ADCY2: variants seen among roughly 807,000 people sequenced by gnomAD.
The protein encoded by ADCY2 is adenylate cyclase 2, also known as adenylate cyclase type 2.
A neutral mutation model predicts 125.2 loss-of-function variants in ADCY2; 31 were observed. The observed-to-expected ratio is 0.25, with a 90% CI of 0.19 to 0.33. The LOEUF (loss-of-function observed/expected upper bound fraction) is 0.33. ADCY2 is among the 10% of genes least tolerant of loss of function. The probability of loss-of-function intolerance (pLI) is 1.00; values close to 1 mark genes in which losing one functional copy is unlikely to be tolerated. For synonymous variants in ADCY2, 512 were observed against 548.4 expected (o/e 0.93, Z 0.93); for missense variants, 904 against 1,418.2 (o/e 0.64, Z 5.82).
chr5:7,596,264 G>T (rs1009941932), intron 3 of ADCY2, among the ~76,000 whole-genome samples: 3 of 104,436 alleles, frequency 2.9e-5, no homozygotes, highest in Non-Finnish European at 6.5e-5. Context: ...CCAAATGCCC[G>T]ATCCAAAAAC....
At chr5:7,811,270 A>G (rs935736007) in intron 22 of ADCY2, among the ~76,000 whole-genome samples, 16 of 152,176 alleles carry the variant, frequency 1.1e-4, no homozygotes, top group Admixed American at 2.0e-4. Flanking sequence ...TGAGGGGCCA[A>G]GGCGGGTGGA....
At chr5:7,635,205 G>A (rs1307600387) in intron 4 of ADCY2, among the ~76,000 whole-genome samples, 1 of 152,134 alleles carries the variant, frequency 6.6e-6, no homozygotes, top group Admixed American at 6.5e-5. Context: ...GAGTAAGATA[G>A]CAACGTAAAC....
At chr5:7,790,669 C>T (rs1416566499) in intron 20 of ADCY2, among the ~76,000 whole-genome samples, 1 of 152,086 alleles carries the variant, frequency 6.6e-6, no homozygotes, top group Non-Finnish European at 1.5e-5. Context: ...GTTTATTTTC[C>T]AAGGTTGAGG....
At chr5:7,786,658 A>T (rs1021423272) in intron 19 of ADCY2, among the ~76,000 whole-genome samples, 14 of 152,212 alleles carry the variant, frequency 9.2e-5, no homozygotes, top group African/African-American at 3.4e-4. Context: ...TAACCAACTC[A>T]GGAGTCTCTT....
intron 1 of ADCY2, among the ~76,000 whole-genome samples, chr5:7,411,064 C>T (rs184109648): frequency 6.6e-6 from 1 of 152,198 alleles, no homozygotes; most frequent in Non-Finnish European, 1.5e-5. Context: ...TAAGCTCGTA[C>T]ATCCTCTAGT....
chr5:7,516,831 A>G (rs1744268993), intron 2 of ADCY2, among the ~76,000 whole-genome samples: 1 of 151,534 alleles, frequency 6.6e-6, no homozygotes, highest in Non-Finnish European at 1.5e-5. Context: ...AACAAACAGA[A>G]ACGCCAGTAA....
intron 11 of ADCY2, 22 bp downstream of exon 11, chr5:7,712,921 T>G: frequency 6.4e-7 from 1 of 1,561,616 alleles, no homozygotes; most frequent in Non-Finnish European, 8.8e-7. Context: ...CTCTATCTGA[T>G]TTTTTAAAGC....
chr5:7,703,924 C>T (rs1422987659), intron 7 of ADCY2, among the ~76,000 whole-genome samples: 1 of 151,682 alleles, frequency 6.6e-6, no homozygotes, highest in Non-Finnish European at 1.5e-5. Context: ...ATCACTTGAA[C>T]CCAGGAGATG....
intron 11 of ADCY2, among the ~76,000 whole-genome samples, chr5:7,713,870 A>G (rs1446507490): frequency 6.6e-6 from 1 of 152,204 alleles, no homozygotes; most frequent in East Asian, 1.9e-4. Context: ...TATAGAAACT[A>G]AGGAAAAATA....
At chr5:7,504,344 T>C (rs1401404208) in intron 2 of ADCY2, among the ~76,000 whole-genome samples, 1 of 152,218 alleles carries the variant, frequency 6.6e-6, no homozygotes, top group Non-Finnish European at 1.5e-5. Context: ...ACAATATTCC[T>C]TTTGATAAAA....
chr5:7,735,342 T>G (rs968316883), intron 14 of ADCY2, among the ~76,000 whole-genome samples: 1 of 152,190 alleles, frequency 6.6e-6, no homozygotes, highest in African/African-American at 2.4e-5. Context: ...CCAATTTCCC[T>G]GGTTAAAGCC....
intron 3 of ADCY2, among the ~76,000 whole-genome samples, chr5:7,543,481 A>G (rs1182318401): frequency 6.6e-6 from 1 of 152,042 alleles, no homozygotes; most frequent in African/African-American, 2.4e-5. Flanking sequence ...TTTTATTTTC[A>G]CTCTAAAATG....
In ADCY2 at chr5:7,432,544, G is replaced by A. The variant is rs536737648; in HGVS notation, c.408+17774G>A. ...ACCTTCGTGCTCCATCCCACGAGGG[G>A]TTGAGTGCACAGGTTCGAGTGACTG... On this transcript the variant is annotated intron_variant, in intron 2 of 24. Coordinates refer to ENST00000338316, the MANE Select transcript of ADCY2 (RefSeq NM_020546.3). Among the ~76,000 whole-genome samples, 14 of 152,320 alleles carry A rather than the reference G, an allele frequency of 9.2e-5. No individual in the cohort carries two copies. In the South Asian group the frequency reaches 2.9e-3, roughly 32 times the overall value.
intron 2 of ADCY2, among the ~76,000 whole-genome samples, chr5:7,455,978 AT>A (rs1741654547): frequency 6.6e-6 from 1 of 150,506 alleles, no homozygotes; most frequent in Non-Finnish European, 1.5e-5. Context: ...TAAATTTTAA[AT>A]TTTAAAATTG....
chr5:7,443,368 C>T (rs941285764), intron 2 of ADCY2, among the ~76,000 whole-genome samples: 1 of 151,912 alleles, frequency 6.6e-6, no homozygotes, highest in Admixed American at 6.6e-5. Flanking sequence ...TTGTGGAATA[C>T]AAGGCCGGGC....
chr5:7,440,110 A>G (rs555346529), intron 2 of ADCY2, among the ~76,000 whole-genome samples: 140 of 152,304 alleles, frequency 9.2e-4, no homozygotes, highest in African/African-American at 3.2e-3. Flanking sequence ...AATGATAAGA[A>G]TAATGAAAGA....
At chr5:7,613,513 T>C (rs1264501353) in intron 3 of ADCY2, among the ~76,000 whole-genome samples, 3 of 152,214 alleles carry the variant, frequency 2.0e-5, no homozygotes, top group Non-Finnish European at 2.9e-5. Context: ...CCAGGTCACC[T>C]GCATTTCTAA....
At chr5:7,553,721 G>A (rs985914136) in intron 3 of ADCY2, among the ~76,000 whole-genome samples, 1 of 152,138 alleles carries the variant, frequency 6.6e-6, no homozygotes, top group East Asian at 1.9e-4. Context: ...CCAGGGCTTG[G>A]CGAGATGGCC....
intron 3 of ADCY2, among the ~76,000 whole-genome samples, chr5:7,565,953 AAGCTCACTT>A (rs1735879875): frequency 6.6e-6 from 1 of 152,218 alleles, no homozygotes; most frequent in Non-Finnish European, 1.5e-5. Flanking sequence ...TGCTTTGAGA[AAGCTCACTT>A]AGCTTTTTTC....
Sources: allele counts gnomAD v4.1 joint callset (sites outside exome capture counted in the v4.1 genomes callset), GRCh38; gene constraint gnomAD v4.1.1; transcripts MANE v1.5; gene names NCBI Gene and HGNC (gene_info 2026-07-23, HGNC 2026-07-21).